The following EPHB2 variants were observed in gnomAD, a reference collection of about 807,000 sequenced individuals.
The protein encoded by EPHB2 is EPH receptor B2, also known as ephrin type-B receptor 2.
Under a neutral mutation model 96.4 loss-of-function variants are expected in EPHB2, and 18 were observed. The ratio of observed to expected loss-of-function variants is 0.19; its 90% CI spans 0.13 to 0.28. EPHB2 has a LOEUF of 0.28. Ranked by LOEUF, EPHB2 falls within the 10% of genes least tolerant of loss-of-function variation. The pLI is 1.00. For synonymous variants in EPHB2, 506 were observed against 534.1 expected, an observed-to-expected ratio of 0.95 and a Z score of 0.72; for missense variants, 989 against 1,355.4, an observed-to-expected ratio of 0.73 and a Z score of 4.25.
intron 1 of EPHB2, among the ~76,000 whole-genome samples, chr1:22,757,711 T>C (rs563383079): frequency 9.9e-4 from 151 of 151,900 alleles, no homozygotes; most frequent in Non-Finnish European, 1.5e-3. Context: ...AAAATAAAAA[T>C]AAATTAGCCA....
At chr1:22,822,981 C>T (rs1645173445) in intron 3 of EPHB2, among the ~76,000 whole-genome samples, 1 of 152,128 alleles carries the variant, frequency 6.6e-6, no homozygotes, top group Admixed American at 6.6e-5. Context: ...CGGCTGAGCC[C>T]TAAGCTAGGA....
In EPHB2 at chr1:22,740,082, C is replaced by T. The variant is rs189244106; in HGVS notation, c.61+29039C>T. 3.8e-3 allele frequency among the ~76,000 whole-genome samples: 583 copies of T among 152,282 alleles called. 5 individuals carry two copies. The highest frequency in any genetic ancestry group is 0.013 in the African/African-American group (546 of 41,544). ...CCGGTTTTGAAGCTTCGGGTCCAAA[C>T]GATTTGCCTGAGCCCTTCGTTGCTT... On this transcript the variant is annotated intron_variant, in intron 1 of 15. Transcript: ENST00000374630.
At chr1:22,794,402 C>G (rs1644738765) in intron 3 of EPHB2, among the ~76,000 whole-genome samples, 1 of 152,134 alleles carries the variant, frequency 6.6e-6, no homozygotes, top group African/African-American at 2.4e-5. Context: ...CCCACCCTGG[C>G]TGACCTCTGG....
At chr1:22,907,864 C>A in intron 11 of EPHB2, 89 bp from the exon 12 acceptor site, 1 of 1,520,286 alleles carries the variant, frequency 6.6e-7, no homozygotes, top group Non-Finnish European at 9.1e-7. Context: ...GCTGGCAGGG[C>A]CCTGCTCTGG....
rs1570192711 is a variant in EPHB2, at chr1:22,744,134, A to G, written c.61+33091A>G. ...CCCCAAATCATGATTTCCCTAAGAA[A>G]CAGATTGGGGTAAGAGTATGAATAA... On this transcript the variant is annotated intron_variant, in intron 1 of 15. Transcript: ENST00000374630. Among the ~76,000 whole-genome samples the G allele has an allele frequency of 5.3e-5, 8 of 151,470 alleles. No homozygotes were observed. The South Asian group carries it at 1.7e-3, about 32-fold the overall frequency.
intron 1 of EPHB2, among the ~76,000 whole-genome samples, chr1:22,744,772 C>G (rs1037882157): frequency 6.6e-6 from 1 of 150,432 alleles, no homozygotes; most frequent in Non-Finnish European, 1.5e-5. Flanking sequence ...AGGAGGATCG[C>G]TTGAGGCCAG....
At chr1:22,782,143 C>T (rs1644542044) in intron 2 of EPHB2, among the ~76,000 whole-genome samples, 1 of 152,180 alleles carries the variant, frequency 6.6e-6, no homozygotes, top group Admixed American at 6.5e-5. Flanking sequence ...TTAGCTCTGC[C>T]ACTCACCAGC....
In EPHB2 at chr1:22,920,948, C is replaced by T. The variant is rs1557760880; in HGVS notation, c.*7378C>T. 1 of 152,244 alleles carries T rather than the reference C, an allele frequency of 6.6e-6. No individual in the cohort carries two copies. The highest frequency in any genetic ancestry group is 1.5e-5 in the Non-Finnish European group (1 of 68,078). The allele number at this position is 152,244 out of a possible 1,614,324, so 9.4% of individuals were successfully genotyped here. ...CTCAGAGACGTGACATGGTGGCTCT[C>T]CCAGGTCACACAGCCAGTAAGTGGC... On this transcript the variant is annotated 3_prime_UTR_variant, in exon 16 of 16. Coordinates refer to ENST00000374630, the MANE Select transcript of EPHB2 (RefSeq NM_017449.5).
chr1:22,809,213 A>G (rs1006506098), intron 3 of EPHB2, among the ~76,000 whole-genome samples: 2 of 152,224 alleles, frequency 1.3e-5, no homozygotes, highest in African/African-American at 4.8e-5. Flanking sequence ...GATGAGTTGC[A>G]GAAGCTGCAG....
intron 1 of EPHB2, among the ~76,000 whole-genome samples, chr1:22,746,371 C>G (rs1365254376): frequency 6.6e-6 from 1 of 152,192 alleles, no homozygotes; most frequent in African/African-American, 2.4e-5. Flanking sequence ...GTGCACCAAG[C>G]TGGGGAACAT....
chr1:22,897,363 G>A (rs535301296), intron 9 of EPHB2, among the ~76,000 whole-genome samples: 4 of 152,256 alleles, frequency 2.6e-5, no homozygotes, highest in Admixed American at 1.3e-4. Flanking sequence ...TACTCAGTGT[G>A]ACGCCCTGAG....
Position 22,763,600 on chromosome 1 carries a change from G to A in EPHB2, c.62-17821G>A, listed in dbSNP as rs576355629. Among the ~76,000 whole-genome samples, 9 of 152,296 alleles carry A rather than the reference G, an allele frequency of 5.9e-5. No individual in the cohort carries two copies. The Middle Eastern group carries it at 0.01, about 173-fold the overall frequency. On this transcript the variant is annotated intron_variant, in intron 1 of 15. Transcript: ENST00000374630. ...TTTCTCAGCGGCAAGGAGTGAGTGT[G>A]TGGGGTTCATGGATCCAGCCATCAC... is the stretch of plus-strand genomic sequence containing the variant.
At chr1:22,769,979 G>A (rs1234718501) in intron 1 of EPHB2, among the ~76,000 whole-genome samples, 2 of 152,166 alleles carry the variant, frequency 1.3e-5, no homozygotes, top group Non-Finnish European at 2.9e-5. Flanking sequence ...ACAGATGAAT[G>A]TGGTAAATGA....
intron 1 of EPHB2, among the ~76,000 whole-genome samples, chr1:22,780,785 C>A (rs2148418313): frequency 6.6e-6 from 1 of 152,274 alleles, no homozygotes; most frequent in South Asian, 2.1e-4. Flanking sequence ...AAGGACAGTA[C>A]CTAGGTTAGT....
intron 3 of EPHB2, among the ~76,000 whole-genome samples, chr1:22,840,305 T>C (rs1488626076): frequency 6.6e-6 from 1 of 152,186 alleles, no homozygotes; most frequent in Non-Finnish European, 1.5e-5. Context: ...AGTGTAAAGA[T>C]ACTCTTGATA....
At chr1:22,882,115 G>A (rs1639064768) in intron 5 of EPHB2, among the ~76,000 whole-genome samples, 1 of 152,116 alleles carries the variant, frequency 6.6e-6, no homozygotes, top group Non-Finnish European at 1.5e-5. Context: ...GCTTCCCCAG[G>A]GCTGGTGAAG....
In EPHB2 at chr1:22,918,477, G is replaced by C. The variant is rs1199465681; in HGVS notation, c.*4907G>C. The C allele has an allele frequency of 6.6e-6, 1 of 152,272 alleles. No individual in the cohort carries two copies. The highest frequency in any genetic ancestry group is 1.5e-5 in the Non-Finnish European group (1 of 68,086). 9.4% of individuals were successfully genotyped at this position (152,272 alleles called of 1,614,324 possible). A position where few individuals can be genotyped will look rare whatever the true frequency, so the allele number is the denominator to read the frequency against. On this transcript the variant is annotated 3_prime_UTR_variant, in exon 16 of 16. Transcript: ENST00000374630. The surrounding 1 kb of genome is among the most constrained non-coding windows in gnomAD (Gnocchi z 4.2). ...CCCTGCCCTGGTCACCCTAGTCCTG[G>C]AGAGATCACCCAGACATGTTGGAAT...
intron 3 of EPHB2, among the ~76,000 whole-genome samples, chr1:22,837,363 C>A (rs985276021): frequency 2.0e-5 from 3 of 152,114 alleles, no homozygotes; most frequent in Non-Finnish European, 4.4e-5. Context: ...TTTCCTTGTG[C>A]TGGCCAGCTG....
At chr1:22,815,340 G>A (rs942320195) in intron 3 of EPHB2, among the ~76,000 whole-genome samples, 2 of 152,212 alleles carry the variant, frequency 1.3e-5, no homozygotes, top group Admixed American at 6.5e-5. Flanking sequence ...CCCTCACACC[G>A]AAATCCCATT....
Sources: gnomAD v4.1 joint callset for allele counts (sites outside exome capture counted in the v4.1 genomes callset) on GRCh38, gnomAD v4.1.1 for gene constraint, Gnocchi (gnomAD v3.1) non-coding constraint, MANE v1.5 for transcripts, NCBI Gene and HGNC (gene_info 2026-07-23, HGNC 2026-07-21) for gene names.